Variants in EBF1 observed in about 807,000 individuals in gnomAD.
EBF1 encodes the protein transcription factor COE1.
In EBF1, 10 loss-of-function variants were observed where a neutral mutation model predicts 68.4. The ratio of observed to expected loss-of-function variants is 0.15; its 90% CI spans 0.09 to 0.25. EBF1 has a LOEUF of 0.25. Ranked by LOEUF, EBF1 falls within the 10% of genes least tolerant of loss-of-function variation. The pLI is 1.00. For missense variants in EBF1, 509 were observed against 794.4 expected (o/e 0.64, Z 4.32); for synonymous variants, 298 against 299.8 (o/e 0.99, Z 0.06).
At chr5:158,785,205 G>A (rs542879002) in intron 9 of EBF1, among the ~76,000 whole-genome samples, 18 of 152,062 alleles carry the variant, frequency 1.2e-4, no homozygotes, top group South Asian at 1.0e-3. Context: ...ATCAAACTAC[G>A]GATTTTTAAA....
intron 6 of EBF1, 81 bp downstream of exon 6, chr5:159,073,315 C>T (rs1044256976): frequency 4.2e-5 from 62 of 1,472,918 alleles, no homozygotes; most frequent in Non-Finnish European, 5.8e-5. Flanking sequence ...GCATTCCTAA[C>T]CCTCGCCCAT....
At chr5:158,947,738 G>A (rs1815092780) in intron 6 of EBF1, among the ~76,000 whole-genome samples, 2 of 152,198 alleles carry the variant, frequency 1.3e-5, no homozygotes, top group Admixed American at 1.3e-4. Flanking sequence ...GCAGCCAACA[G>A]AAATCGTAAA....
intron 6 of EBF1, among the ~76,000 whole-genome samples, chr5:158,976,407 G>A (rs1381326887): frequency 6.6e-6 from 1 of 151,522 alleles, no homozygotes; most frequent in Non-Finnish European, 1.5e-5. Context: ...TAAATCACTA[G>A]GAATGTAAAA....
intron 10 of EBF1, among the ~76,000 whole-genome samples, chr5:158,760,832 T>C (rs1045021503): frequency 1.3e-5 from 2 of 152,228 alleles, no homozygotes; most frequent in African/African-American, 4.8e-5. Flanking sequence ...ACAACCTTTT[T>C]TATCCGCTTC....
At chr5:158,952,725 A>C (rs1256709588) in intron 6 of EBF1, among the ~76,000 whole-genome samples, 1 of 152,252 alleles carries the variant, frequency 6.6e-6, no homozygotes, top group Non-Finnish European at 1.5e-5. Context: ...TGTGCAACAA[A>C]AGCTGTTTTC....
intron 6 of EBF1, among the ~76,000 whole-genome samples, chr5:158,922,312 A>G (rs973439616): frequency 6.6e-6 from 1 of 152,152 alleles, no homozygotes; most frequent in Non-Finnish European, 1.5e-5. Flanking sequence ...TTTGGTTGCT[A>G]TTGTGCACTT....
chr5:158,941,367 A>G (rs1340845282), intron 6 of EBF1: 1 of 419,072 alleles, frequency 2.4e-6, no homozygotes, highest in African/African-American at 2.1e-5. Context: ...GAACCAATAC[A>G]ATGGAACCAT....
At chr5:158,732,411 G>A (rs1764287878) in intron 10 of EBF1, among the ~76,000 whole-genome samples, 1 of 152,124 alleles carries the variant, frequency 6.6e-6, no homozygotes, top group Admixed American at 6.6e-5. Flanking sequence ...CAAAATACAG[G>A]TATGATAATC....
At position 159,097,086 on chromosome 5, in the gene EBF1, G is replaced by T. The variant is rs1412349222; in HGVS notation, c.179C>A (p.Ser60Tyr). The T allele has an allele frequency of 6.2e-7, 1 of 1,613,986 alleles. No homozygotes were observed. ...GAAGAAGTTGGATTTCCGCAGATTGGAAGGCGGCTGCTTCTCAAAGTGAGC... is the reference window on the plus strand; with the variant it reads ...GAAGAAGTTGGATTTCCGCAGATTGTAAGGCGGCTGCTTCTCAAAGTGAGC... ...ARAHFEKQPP[S>Y]NLRKSNFFHF... is the part of the protein sequence containing the mutation. Residue 60 changes from serine to tyrosine, a missense_variant, in exon 2 of 16, where the codon TCC becomes TAC. This residue lies in a region of EBF1 where 230 missense variants were observed against 467.7 expected (regional missense o/e 0.49). Coordinates refer to ENST00000313708, the MANE Select transcript of EBF1 (RefSeq NM_024007.5).
intron 10 of EBF1, among the ~76,000 whole-genome samples, chr5:158,742,013 G>C (rs1312468169): frequency 6.6e-6 from 1 of 152,100 alleles, no homozygotes; most frequent in Admixed American, 6.5e-5. Flanking sequence ...TAAATCCACC[G>C]AGCTAATGAA....
intron 10 of EBF1, among the ~76,000 whole-genome samples, chr5:158,733,047 T>C (rs1167583706): frequency 6.6e-6 from 1 of 152,200 alleles, no homozygotes; most frequent in East Asian, 1.9e-4. Flanking sequence ...GAATTCTTTT[T>C]TCAAATTAGA....
chr5:158,817,179 T>C (rs1313402827), intron 8 of EBF1, among the ~76,000 whole-genome samples: 2 of 151,928 alleles, frequency 1.3e-5, no homozygotes, highest in African/African-American at 4.8e-5. Context: ...CCTCTCAGTC[T>C]CCTTTTGTTC....
At chr5:159,093,645 A>G (rs973611462) in intron 4 of EBF1, among the ~76,000 whole-genome samples, 3 of 152,286 alleles carry the variant, frequency 2.0e-5, no homozygotes, top group Admixed American at 1.3e-4. Context: ...CTTTAAAAAT[A>G]TCAAAAGATG....
chr5:158,702,407 A>G (rs546818248), intron 15 of EBF1, among the ~76,000 whole-genome samples: 8 of 152,236 alleles, frequency 5.3e-5, no homozygotes, highest in African/African-American at 1.9e-4. Context: ...ACATCACAAG[A>G]CCATGGTGGC....
intron 8 of EBF1, among the ~76,000 whole-genome samples, chr5:158,807,779 T>A (rs555613399): frequency 6.6e-6 from 1 of 152,262 alleles, no homozygotes; most frequent in East Asian, 1.9e-4. Flanking sequence ...TGCAGAAGAT[T>A]TTCTATACGC....
intron 10 of EBF1, among the ~76,000 whole-genome samples, chr5:158,767,588 C>T (rs1224446742): frequency 7.3e-6 from 1 of 136,768 alleles, no homozygotes; most frequent in African/African-American, 2.8e-5. Flanking sequence ...AATAATAGGG[C>T]TTGTCTTACA....
chr5:159,037,960 G>A (rs545248531), intron 6 of EBF1, among the ~76,000 whole-genome samples: 1 of 152,172 alleles, frequency 6.6e-6, no homozygotes, highest in Admixed American at 6.5e-5. Context: ...GACTGTTTCT[G>A]CACAAATACC....
intron 6 of EBF1, among the ~76,000 whole-genome samples, chr5:159,052,470 G>A (rs1773944699): frequency 6.6e-6 from 1 of 152,144 alleles, no homozygotes; most frequent in South Asian, 2.1e-4. Flanking sequence ...GTGGTTACAA[G>A]GTTTGGTGTT....
chr5:159,086,837 A>G (rs1780723835), intron 4 of EBF1, among the ~76,000 whole-genome samples: 1 of 152,074 alleles, frequency 6.6e-6, no homozygotes, highest in Non-Finnish European at 1.5e-5. Context: ...ATTTTCATCC[A>G]CTAGTTTCAG....
Sources: allele counts gnomAD v4.1 joint callset (sites outside exome capture counted in the v4.1 genomes callset), GRCh38; gene constraint gnomAD v4.1.1; regional missense constraint gnomAD v4.1.1; transcripts MANE v1.5; gene names NCBI Gene and HGNC (gene_info 2026-07-23, HGNC 2026-07-21).